Variants in F5 observed in about 807,000 individuals in gnomAD.
F5 encodes the protein activated protein c cofactor.
A neutral mutation model predicts 216.4 loss-of-function variants in F5; 138 were observed. The observed-to-expected ratio is 0.64, with a 90% CI of 0.56 to 0.73. F5 has a LOEUF of 0.73. F5 is among the 30% of genes least tolerant of loss of function. The pLI, the probability that F5 is intolerant of heterozygous loss-of-function variation, is 0.00. For missense variants in F5, 2,403 were observed against 2,674.0 expected, an observed-to-expected ratio of 0.90 and a Z score of 2.24; for synonymous variants, 916 against 930.7, an observed-to-expected ratio of 0.98 and a Z score of 0.29.
Position 169,542,997 on chromosome 1 carries a change from G to A in F5, c.2093C>T (p.Pro698Leu). The A allele has an allele frequency of 2.5e-6, 4 of 1,614,014 alleles. No individual in the cohort carries two copies. The highest frequency in any genetic ancestry group is 3.4e-6 in the Non-Finnish European group (4 of 1,179,990). ...TGTAGCCATGACTGTAGATTCTGGAGGTTCAAAAATCTCATATGAGTCTTC... is the reference window on the plus strand; with the variant it reads ...TGTAGCCATGACTGTAGATTCTGGAAGTTCAAAAATCTCATATGAGTCTTC... ...DDEDSYEIFE[P>L]PESTVMATRK... The change falls in exon 13 of 25, where the codon CCT becomes CTT. Residue 698 changes from proline (P) to leucine (L), a missense_variant. Transcript: ENST00000367797.
rs1432881150 is a variant in F5, at chr1:169,540,933, G to T, written c.4157C>A (p.Pro1386Gln). The change falls in exon 13 of 25, where the codon CCA becomes CAA. Residue 1386 changes from proline to glutamine, a missense_variant. Transcript: ENST00000367797. Reference protein sequence around the residue: ...SPELSQTNLSPDLSEMPLFAD... With the variant: ...SPELSQTNLSQDLSEMPLFAD... ...AAAGAGGGGCATCTCACTGAGGTCT[G>T]GGGAAAGGTTTGTCTGACTGAGTTC... 6.2e-7 allele frequency: 1 copy of T among 1,613,972 alleles called. No homozygotes were observed. Among genetic ancestry groups the T allele is most frequent in the African/African-American group, 1.3e-5 (1 of 74,908 alleles).
intron 1 of F5, 86 bp downstream of exon 1, chr1:169,586,142 AG>A: frequency 2.1e-6 from 3 of 1,442,000 alleles, no homozygotes; most frequent in African/African-American, 1.4e-5. Context: ...AAAAAAAAAA[AG>A]CCATGACATT....
Position 169,586,224 on chromosome 1 carries a change from G to A in F5, c.158+5C>T, listed in dbSNP as rs753977279. The A allele has an allele frequency of 9.9e-6, 16 of 1,613,958 alleles. 1 individual carries two copies. In the Admixed American group the frequency reaches 2.7e-4, roughly 27 times the overall value. On this transcript the variant is annotated splice_donor_5th_base_variant and intron_variant, in intron 1 of 24. Transcript: ENST00000367797. ...AAGCCCACCCGGACTCCACACCTGAGTTACCTTGAGTTTGTGGGCTCAGGT... is the reference window on the plus strand; with the variant it reads ...AAGCCCACCCGGACTCCACACCTGAATTACCTTGAGTTTGTGGGCTCAGGT...
chr1:169,536,746 G>A (rs1047958430), intron 13 of F5, 66 bp from the exon 14 acceptor site: 4 of 1,329,978 alleles, frequency 3.0e-6, no homozygotes, highest in African/African-American at 1.4e-5. Context: ...TTAGGAAATT[G>A]TCTCTTTCTA....
In F5 at chr1:169,539,342, C is replaced by T. The variant is rs1186187070; in HGVS notation, c.4796+952G>A. Among the ~76,000 whole-genome samples the T allele has an allele frequency of 3.9e-5, 6 of 152,130 alleles. No individual in the cohort carries two copies. The East Asian group carries it at 1.2e-3, about 29-fold the overall frequency. ...GAGTGGGTAAAGCAACTCCGAATGC[C>T]ATAAAAGTGGGTTGTGAGCCTTGAA... On this transcript the variant is annotated intron_variant, in intron 13 of 24. Coordinates refer to ENST00000367797, the MANE Select transcript of F5 (RefSeq NM_000130.5).
intron 2 of F5, among the ~76,000 whole-genome samples, chr1:169,579,270 T>G (rs76147604): frequency 1.5e-3 from 223 of 152,318 alleles, no homozygotes; most frequent in African/African-American, 5.1e-3. Context: ...TCTAGATTTC[T>G]TCTCCCCTCC....
At chr1:169,583,391 C>A (rs1304739493) in intron 1 of F5, among the ~76,000 whole-genome samples, 2 of 152,012 alleles carry the variant, frequency 1.3e-5, no homozygotes, top group African/African-American at 4.8e-5. Context: ...CAAGACATAA[C>A]AGCACCCACA....
At position 169,556,857 on chromosome 1, in the gene F5, A is replaced by G. The variant is rs952046064; in HGVS notation, c.741T>C (p.Val247=). 1.2e-6 allele frequency: 2 copies of G among 1,613,704 alleles called. No individual in the cohort carries two copies. Among genetic ancestry groups the G allele is most frequent in the African/African-American group, 1.3e-5 (1 of 74,900 alleles). ...YVNGTMPDIT[V]CAHDHISWHL... The stretch of plus-strand genomic sequence containing the variant: ...GCCAGCTGATGTGGTCATGGGCACA[A>G]ACTGTTATATCTGAGAAAGAGGGAG... Residue 247 remains valine, a synonymous_variant, in exon 6 of 25, where the codon GTT becomes GTC. Coordinates refer to ENST00000367797, the MANE Select transcript of F5 (RefSeq NM_000130.5).
chr1:169,564,072 A>G (rs185145331), intron 3 of F5, among the ~76,000 whole-genome samples: 1 of 152,026 alleles, frequency 6.6e-6, no homozygotes, highest in African/African-American at 2.4e-5. Context: ...GTCTAATTTT[A>G]TCCACCCACT....
intron 24 of F5, among the ~76,000 whole-genome samples, chr1:169,515,148 C>G (rs1430734151): frequency 6.6e-6 from 1 of 152,008 alleles, no homozygotes. Context: ...ATAACTTTCC[C>G]CCTTCCATCA....
chr1:169,554,193 C>T (rs1424188960), intron 7 of F5, among the ~76,000 whole-genome samples: 1 of 84,552 alleles, frequency 1.2e-5, no homozygotes, highest in East Asian at 2.2e-4. Flanking sequence ...TTCTAGGTAG[C>T]CATATATTAA....
At chr1:169,561,238 T>C (rs1660477942) in intron 3 of F5, among the ~76,000 whole-genome samples, 1 of 151,880 alleles carries the variant, frequency 6.6e-6, no homozygotes, top group Non-Finnish European at 1.5e-5. Flanking sequence ...GATCCTCAGC[T>C]TTGTTTTATC....
chr1:169,547,090 T>C (rs901750730), intron 10 of F5, among the ~76,000 whole-genome samples: 1 of 151,884 alleles, frequency 6.6e-6, no homozygotes, highest in African/African-American at 2.4e-5. Flanking sequence ...CACCTGAACA[T>C]GGGAGGCAGA....
At chr1:169,551,047 G>T (rs544777145) in intron 8 of F5, among the ~76,000 whole-genome samples, 4 of 152,116 alleles carry the variant, frequency 2.6e-5, no homozygotes, top group Admixed American at 6.5e-5. Context: ...TCCTTCCCCT[G>T]CCCTTCTCTT....
At chr1:169,568,417 A>G (rs2101837740) in intron 3 of F5, among the ~76,000 whole-genome samples, 1 of 152,238 alleles carries the variant, frequency 6.6e-6, no homozygotes, top group African/African-American at 2.4e-5. Context: ...AGAATAAAAC[A>G]GGTTTGTTGT....
In F5 at chr1:169,515,455, T is replaced by C. The variant is rs2101801705; in HGVS notation, c.6517A>G (p.Met2173Val). 1.2e-6 allele frequency: 2 copies of C among 1,613,350 alleles called. No homozygotes were observed. Among genetic ancestry groups the C allele is most frequent in the South Asian group, 1.1e-5 (1 of 91,080 alleles). The change falls in exon 24 of 25, where the codon ATG becomes GTG. Residue 2173 changes from methionine to valine, a missense_variant. By Grantham distance (21) the Met-to-Val change is conservative (BLOSUM62 1). Transcript: ENST00000367797. ...EWKPYRLKSSMVDKIFEGNTN... is the reference protein window; with the variant it reads ...EWKPYRLKSSVVDKIFEGNTN... ...AGATGCCACTCTACCTTGTCCACCA[T>C]GGAGGATTTCAGCCTGTATGGTTTC...
intron 2 of F5, among the ~76,000 whole-genome samples, chr1:169,578,405 A>G (rs1251123209): frequency 6.6e-6 from 1 of 152,260 alleles, no homozygotes; most frequent in African/African-American, 2.4e-5. Flanking sequence ...CTTTGATCAC[A>G]GAACCCTTTT....
In F5 at chr1:169,544,440, G is replaced by A; in HGVS notation, c.1831C>T (p.His611Tyr). ...TTCTGGGTCCCCACACTACAGAAGTGCCACTGGACAGTGTCATCAAAGCAG... is the reference window on the plus strand; with the variant it reads ...TTCTGGGTCCCCACACTACAGAAGTACCACTGGACAGTGTCATCAAAGCAG... ...GFCFDDTVQW[H>Y]FCSVGTQNEI... Residue 611 changes from histidine to tyrosine, a missense_variant, in exon 12 of 25, where the codon CAC becomes TAC. His to Tyr is a moderately conservative substitution (Grantham distance 83). Around this residue, in one of 4 missense-constraint regions of F5, gnomAD observed 1,425 missense variants for 1,554.8 expected, o/e 0.92. Coordinates refer to ENST00000367797, the MANE Select transcript of F5 (RefSeq NM_000130.5). The A allele has an allele frequency of 1.2e-6, 2 of 1,614,142 alleles. No individual in the cohort carries two copies. Among genetic ancestry groups the A allele is most frequent in the Non-Finnish European group, 8.5e-7 (1 of 1,180,004 alleles).
intron 13 of F5, 62 bp downstream of exon 13, chr1:169,540,232 G>A: frequency 1.3e-6 from 2 of 1,563,076 alleles, no homozygotes; most frequent in South Asian, 1.1e-5. Flanking sequence ...CTGAATTGTA[G>A]TAGCTACTTT....
Sources: gnomAD v4.1 joint callset for allele counts (sites outside exome capture counted in the v4.1 genomes callset) on GRCh38, gnomAD v4.1.1 for gene constraint, gnomAD v4.1.1 regional missense constraint, MANE v1.5 for transcripts, NCBI Gene and HGNC (gene_info 2026-07-23, HGNC 2026-07-21) for gene names.